MTRF1: variants seen among roughly 807,000 people sequenced by gnomAD.
MTRF1 encodes the protein peptide chain release factor 1, mitochondrial.
In MTRF1, 51 loss-of-function variants were observed where a neutral mutation model predicts 62.9. The ratio of observed to expected loss-of-function variants is 0.81; its 90% CI spans 0.65 to 1.02. The LOEUF (loss-of-function observed/expected upper bound fraction) is 1.02, where lower values mean the gene tolerates loss of function less well. MTRF1 is among the 50% of genes least tolerant of loss of function. The pLI is 0.00. For synonymous variants in MTRF1, 158 were observed against 181.9 expected, an observed-to-expected ratio of 0.87 and a Z score of 1.06; for missense variants, 446 against 530.0, an observed-to-expected ratio of 0.84 and a Z score of 1.56.
At chr13:41,286,505 T>G in the MTRF1 span, among the ~76,000 whole-genome samples, 1 of 152,226 alleles carries the variant, frequency 6.6e-6, no homozygotes, top group East Asian at 1.9e-4. Flanking sequence ...TAACCCAGGA[T>G]AGTCATAAGC....
At chr13:41,224,135 C>T (rs1474382094) in intron 8 of MTRF1, among the ~76,000 whole-genome samples, 1 of 152,140 alleles carries the variant, frequency 6.6e-6, no homozygotes, top group Non-Finnish European at 1.5e-5. Flanking sequence ...ATGTGTGTGT[C>T]GGTTATCTCT....
Position 41,240,453 on chromosome 13 carries a change from G to A in MTRF1, c.698-20C>T, listed in dbSNP as rs746287722. The A allele has an allele frequency of 2.2e-5, 36 of 1,605,758 alleles. No homozygotes were observed. Among genetic ancestry groups the A allele is most frequent in the South Asian group, 1.8e-4 (16 of 89,732 alleles). On this transcript the variant is annotated intron_variant, in intron 5 of 9. Coordinates refer to ENST00000379480, the MANE Select transcript of MTRF1 (RefSeq NM_004294.4). Reference sequence around the variant, plus strand: ...GTCCACCTAGGGGAACAACAATCCAGAAATAGTAATGAATTATCCTTTGAA... The same window carrying A: ...GTCCACCTAGGGGAACAACAATCCAAAAATAGTAATGAATTATCCTTTGAA...
At chr13:41,239,607 G>A (rs557489964) in intron 6 of MTRF1, among the ~76,000 whole-genome samples, 1 of 152,136 alleles carries the variant, frequency 6.6e-6, no homozygotes, top group African/African-American at 2.4e-5. Context: ...GCAGATGGCT[G>A]TATTCAACTA....
the MTRF1 span, among the ~76,000 whole-genome samples, chr13:41,287,568 A>G: frequency 1.3e-5 from 2 of 152,250 alleles, no homozygotes; most frequent in African/African-American, 4.8e-5. Flanking sequence ...GTGAGTCTCA[A>G]CTTTTATCTA....
At chr13:41,281,860 G>A in the MTRF1 span, among the ~76,000 whole-genome samples, 1 of 152,148 alleles carries the variant, frequency 6.6e-6, no homozygotes, top group Admixed American at 6.5e-5. Context: ...GCCCAGGCCG[G>A]GCACGGTGGC....
At chr13:41,219,160 G>A (rs1243787762) in intron 9 of MTRF1, among the ~76,000 whole-genome samples, 1 of 151,644 alleles carries the variant, frequency 6.6e-6, no homozygotes, top group Admixed American at 6.6e-5. Context: ...GCGTGGTGGT[G>A]TGTGCCTGTA....
rs1366185405 is a variant in MTRF1, at chr13:41,260,843, T to A, written c.65A>T (p.His22Leu). The A allele has an allele frequency of 1.9e-6, 3 of 1,613,926 alleles. No homozygotes were observed. The highest frequency in any genetic ancestry group is 1.7e-6 in the Non-Finnish European group (2 of 1,179,940). Residue 22 changes from histidine (H) to leucine (L), a missense_variant, in exon 2 of 10, where the codon CAC (histidine) becomes CTC (leucine). Transcript: ENST00000379480. ...HPSLNGYLQC[H>L]IQLHSHQFRQ... ...AAATTGATGAGAATGGAGCTGGATGTGACACTGGAGGTAACCATTAAGAGA... is the reference window on the plus strand; with the variant it reads ...AAATTGATGAGAATGGAGCTGGATGAGACACTGGAGGTAACCATTAAGAGA...
chr13:41,255,953 TTAA>T (rs370641487), intron 2 of MTRF1, among the ~76,000 whole-genome samples: 3 of 152,222 alleles, frequency 2.0e-5, no homozygotes, highest in African/African-American at 7.2e-5. Context: ...ATTCCGACCC[TTAA>T]TAATAAAGAA....
chr13:41,307,849 A>G, the MTRF1 span, among the ~76,000 whole-genome samples: 1 of 152,198 alleles, frequency 6.6e-6, no homozygotes, highest in Non-Finnish European at 1.5e-5. Flanking sequence ...GACTAATACA[A>G]AAGGTATGTG....
At chr13:41,301,238 G>A in the MTRF1 span, among the ~76,000 whole-genome samples, 2 of 152,258 alleles carry the variant, frequency 1.3e-5, no homozygotes, top group East Asian at 1.9e-4. Flanking sequence ...CCAGGGGATA[G>A]GAAACTTTTC....
chr13:41,301,678 G>A, the MTRF1 span, among the ~76,000 whole-genome samples: 2 of 152,004 alleles, frequency 1.3e-5, no homozygotes, highest in African/African-American at 4.8e-5. Context: ...AACCCAGGAG[G>A]TGGAGGTTGC....
At chr13:41,311,207 A>G in the MTRF1 span, 1 of 469,228 alleles carries the variant, frequency 2.1e-6, no homozygotes, top group South Asian at 2.7e-5. Flanking sequence ...CCCTCGCCAA[A>G]GGGCGCTCCG....
At chr13:41,263,057 C>A (rs949874524) in intron 1 of MTRF1, among the ~76,000 whole-genome samples, 2 of 152,172 alleles carry the variant, frequency 1.3e-5, no homozygotes, top group African/African-American at 4.8e-5. Context: ...ACAAACGTTA[C>A]ACTCCACCAC....
At chr13:41,253,466 C>G (rs2039332400) in intron 3 of MTRF1, among the ~76,000 whole-genome samples, 1 of 152,210 alleles carries the variant, frequency 6.6e-6, no homozygotes, top group Non-Finnish European at 1.5e-5. Context: ...ACCAGCCATG[C>G]TGTGCCTTCT....
the MTRF1 span, among the ~76,000 whole-genome samples, chr13:41,307,943 C>A: frequency 6.6e-6 from 1 of 152,102 alleles, no homozygotes; most frequent in Non-Finnish European, 1.5e-5. Flanking sequence ...TAACTAGTAG[C>A]AAACTAGTGC....
intron 8 of MTRF1, 126 bp downstream of exon 8, chr13:41,226,306 T>G (rs1472417641): frequency 1.0e-6 from 1 of 999,110 alleles, no homozygotes; most frequent in Non-Finnish European, 1.4e-6. Flanking sequence ...ACTGCTTATT[T>G]ACAAAGGAGC....
chr13:41,255,600 G>A (rs1052691474), intron 2 of MTRF1, among the ~76,000 whole-genome samples: 3 of 152,154 alleles, frequency 2.0e-5, no homozygotes, highest in African/African-American at 7.2e-5. Flanking sequence ...GCTGAGGCAG[G>A]AGAATTGCTT....
upstream of MTRF1, among the ~76,000 whole-genome samples, chr13:41,263,860 G>T (rs1243234583): frequency 1.3e-5 from 2 of 152,092 alleles, no homozygotes; most frequent in Non-Finnish European, 2.9e-5. Flanking sequence ...CTCCCAGAGC[G>T]CCCACCAAAG....
At chr13:41,261,593 C>T (rs9532759) in intron 1 of MTRF1, 10,833 of 158,178 alleles carry the variant, frequency 0.068, 436 homozygotes, top group Middle Eastern at 0.11. Context: ...AAACTTAAGG[C>T]GGTTCATAAA....
Sources: gnomAD v4.1 joint callset for allele counts (sites outside exome capture counted in the v4.1 genomes callset) on GRCh38, gnomAD v4.1.1 for gene constraint, MANE v1.5 for transcripts, NCBI Gene and HGNC (gene_info 2026-07-23, HGNC 2026-07-21) for gene names.